The following CHD3 variants were observed in gnomAD, a reference collection of about 807,000 sequenced individuals.
The protein encoded by CHD3 is chromodomain helicase DNA binding protein 3, also known as ATP-dependent chromatin remodeler CHD3.
CHD3 carries 52 observed loss-of-function variants against 248.9 expected under a neutral mutation model. The observed-to-expected ratio is 0.21, with a 90% CI of 0.17 to 0.26. The LOEUF is 0.26. Among genes scored for constraint, CHD3 ranks in the 10% least tolerant of loss-of-function variants. The probability of loss-of-function intolerance (pLI) is 1.00; values close to 1 mark genes in which losing one functional copy is unlikely to be tolerated. For synonymous variants in CHD3, 985 were observed against 985.2 expected, an observed-to-expected ratio of 1.00 and a Z score of 0.00; for missense variants, 1,482 against 2,605.8, an observed-to-expected ratio of 0.57 and a Z score of 9.39.
At position 7,907,504 on chromosome 17, in the gene CHD3, T is replaced by TAGGAGTGATGGGGG. The variant is rs1331033023; in HGVS notation, c.4924+18_4924+31dup. ...GAGAAGTCAGGTGGGTGCATGGCCTTAGGAGTGATGGGGGATTAGAATTTG... is the reference window on the plus strand; with the variant it reads ...GAGAAGTCAGGTGGGTGCATGGCCTTAGGAGTGATGGGGGAGGAGTGATGGGGGATTAGAATTTG... On this transcript the variant is annotated intron_variant, in intron 32 of 39. Transcript: ENST00000330494. The surrounding 1 kb of genome is among the most constrained non-coding windows in gnomAD (Gnocchi z 4.3). The TAGGAGTGATGGGGG allele has an allele frequency of 6.4e-7, 1 of 1,558,076 alleles. No homozygotes were observed. Among genetic ancestry groups the TAGGAGTGATGGGGG allele is most frequent in the South Asian group, 1.2e-5 (1 of 81,954 alleles).
upstream of CHD3, chr17:7,888,742 G>A (rs1427626438): frequency 5.8e-6 from 7 of 1,213,422 alleles, no homozygotes; most frequent in South Asian, 5.7e-5. Flanking sequence ...GCGCGTGCGC[G>A]CGCGTGCTTT....
At chr17:7,902,331 A>G (rs965064603) in intron 20 of CHD3, among the ~76,000 whole-genome samples, 3 of 152,202 alleles carry the variant, frequency 2.0e-5, no homozygotes, top group African/African-American at 7.2e-5. Flanking sequence ...CTGAGGCGGT[A>G]GGATCACTTG....
Position 7,904,329 on chromosome 17 carries a change from G to T in CHD3, c.3895-113G>T, listed in dbSNP as rs1001395482. 2.2e-5 allele frequency: 21 copies of T among 955,296 alleles called. No homozygotes were observed. In the Admixed American group the frequency reaches 4.9e-4, roughly 22 times the overall value. 59.2% of individuals were successfully genotyped at this position (955,296 alleles called of 1,614,324 possible). On this transcript the variant is annotated intron_variant, in intron 24 of 39. Transcript: ENST00000330494. The surrounding 1 kb of genome is among the most constrained non-coding windows in gnomAD (Gnocchi z 4.4). ...AAAATGTATGCAGAGCCACGAAGCT[G>T]CAGGAGTGGGGAGACCGGATTGGGC...
Position 7,901,395 on chromosome 17 carries a change from G to A in CHD3, c.3252+20G>A, listed in dbSNP as rs780105859. ...TCGCAGGTGACCTGTGCCCTTAGCTGTCTTTACATCTGCTTCCTCTTCCCT... is the reference window on the plus strand; with the variant it reads ...TCGCAGGTGACCTGTGCCCTTAGCTATCTTTACATCTGCTTCCTCTTCCCT... On this transcript the variant is annotated intron_variant, in intron 20 of 39. Coordinates refer to ENST00000330494, the MANE Select transcript of CHD3 (RefSeq NM_001005273.3). 6.4e-7 allele frequency: 1 copy of A among 1,566,778 alleles called. No individual in the cohort carries two copies. Among genetic ancestry groups the A allele is most frequent in the Admixed American group, 1.8e-5 (1 of 55,460 alleles).
At position 7,906,682 on chromosome 17, in the gene CHD3, T is replaced by C; in HGVS notation, c.4488T>C (p.Ser1496=). 1 of 1,605,220 alleles carries C rather than the reference T, an allele frequency of 6.2e-7. No homozygotes were observed. The highest frequency in any genetic ancestry group is 1.1e-5 in the South Asian group (1 of 90,170). Residue 1496 remains serine (S), a synonymous_variant, in exon 29 of 40, where the codon TCT becomes TCC. Transcript: ENST00000330494. This position sits in a 1 kb window ranked among gnomAD's most constrained non-coding sequence, Gnocchi z 5.0. ...QQVLTRIGVM[S]LVKKKVQEFE... is the part of the protein sequence containing the mutation. ...TGTTGACCCGCATTGGAGTCATGTC[T>C]CTCGTCAAAAAGAAGGTATCAGTCT...
At chr17:7,898,735 A>G (rs1969978649) in intron 13 of CHD3, 140 bp downstream of exon 13, 1 of 752,604 alleles carries the variant, frequency 1.3e-6, no homozygotes, top group Non-Finnish European at 2.2e-6. Flanking sequence ...TCTTGCCCCA[A>G]GAGTGGCTAA....
At position 7,894,946 on chromosome 17, in the gene CHD3, G is replaced by C; in HGVS notation, c.1299G>C (p.Lys433Asn). Reference sequence around the variant, plus strand: ...AGGAGGGGGTCCAGTGGGAGGCCAAGGAGGAAGAAGAAGAATACGAAGAGG... The same window carrying C: ...AGGAGGGGGTCCAGTGGGAGGCCAACGAGGAAGAAGAAGAATACGAAGAGG... Reference protein sequence around the residue: ...CEKEGVQWEAKEEEEEYEEEG... With the variant: ...CEKEGVQWEANEEEEEYEEEG... The change falls in exon 9 of 40, where the codon AAG becomes AAC. Residue 433 changes from lysine to asparagine, a missense_variant. Around this residue, in one of 20 missense-constraint regions of CHD3, gnomAD observed 138 missense variants for 241.1 expected, o/e 0.57. Transcript: ENST00000330494. The C allele has an allele frequency of 6.2e-7, 1 of 1,613,206 alleles. No individual in the cohort carries two copies. The highest frequency in any genetic ancestry group is 8.5e-7 in the Non-Finnish European group (1 of 1,179,634).
rs1193049392 is a variant in CHD3, at chr17:7,909,547, G to A, written c.5590+209G>A. ...AGCCAACCCTCATCCATGTCTGATA[G>A]CATTCACATCCGTGCCCAATAGAGG... On this transcript the variant is annotated intron_variant, in intron 37 of 39. Transcript: ENST00000330494. This position sits in a 1 kb window ranked among gnomAD's most constrained non-coding sequence, Gnocchi z 8.1. The A allele has an allele frequency of 1.5e-6, 1 of 687,168 alleles. No homozygotes were observed. 42.6% of individuals were successfully genotyped at this position (687,168 alleles called of 1,614,324 possible).
At position 7,907,626 on chromosome 17, in the gene CHD3, G is replaced by T. The variant is rs375492899; in HGVS notation, c.4950G>T (p.Arg1650Ser). ...CCACAGAGTCGACGCCAGGAGAAAGGGGGGAGGAGAAGCCGTTGGATGGAC... is the reference window on the plus strand; with the variant it reads ...CCACAGAGTCGACGCCAGGAGAAAGTGGGGAGGAGAAGCCGTTGGATGGAC... Reference protein sequence around the residue: ...KSATESTPGERGEEKPLDGQE... With the variant: ...KSATESTPGESGEEKPLDGQE... The change falls in exon 33 of 40, where the codon AGG becomes AGT. Residue 1650 changes from arginine to serine, a missense_variant. Arg to Ser is a moderately radical substitution (Grantham distance 110). Transcript: ENST00000330494. The surrounding 1 kb of genome is among the most constrained non-coding windows in gnomAD (Gnocchi z 4.3). 4.4e-5 allele frequency: 67 copies of T among 1,523,978 alleles called. No homozygotes were observed. The East Asian group carries it at 5.3e-4, about 12-fold the overall frequency. 94.4% of individuals were successfully genotyped at this position (1,523,978 alleles called of 1,614,324 possible).
Position 7,907,101 on chromosome 17 carries a change from T to C in CHD3, c.4667-25T>C, listed in dbSNP as rs752499617. 1 of 1,614,106 alleles carries C rather than the reference T, an allele frequency of 6.2e-7. No individual in the cohort carries two copies. Among genetic ancestry groups the C allele is most frequent in the East Asian group, 2.2e-5 (1 of 44,876 alleles). On this transcript the variant is annotated intron_variant, in intron 30 of 39. Coordinates refer to ENST00000330494, the MANE Select transcript of CHD3 (RefSeq NM_001005273.3). The surrounding 1 kb of genome is among the most constrained non-coding windows in gnomAD (Gnocchi z 4.3). ...GAGTCAGGGCGGGAGAATCTCTGTC[T>C]TTATCACTGTGCCTTCCCCTGCAGC...
intron 10 of CHD3, 133 bp from the exon 11 acceptor site, chr17:7,896,950 T>C: frequency 1.4e-6 from 1 of 726,218 alleles, no homozygotes; most frequent in East Asian, 2.7e-5. Flanking sequence ...TGAGCCACCG[T>C]GCCTGGGCCA....
At position 7,910,314 on chromosome 17, in the gene CHD3, C is replaced by T. The variant is rs749985512; in HGVS notation, c.5591-114C>T. On this transcript the variant is annotated intron_variant, in intron 37 of 39. Transcript: ENST00000330494. The surrounding 1 kb of genome is among the most constrained non-coding windows in gnomAD (Gnocchi z 4.7). ...GGTTCTTTGACATCTGTGTTCTCCT[C>T]TCTCGCTCTTTTTCTGCCTGTATCT... The T allele has an allele frequency of 2.5e-5, 32 of 1,302,096 alleles. No homozygotes were observed. The highest frequency in any genetic ancestry group is 3.6e-5 in the Non-Finnish European group (32 of 900,454). The allele number at this position is 1,302,096 out of a possible 1,614,324, so 80.7% of individuals were successfully genotyped here.
chr17:7,910,334 G>GT lies in CHD3; in HGVS notation c.5591-93dup, dbSNP rs777892088. The GT allele has an allele frequency of 1.4e-6, 2 of 1,468,028 alleles. No individual in the cohort carries two copies. Among genetic ancestry groups the GT allele is most frequent in the Admixed American group, 3.3e-5 (2 of 59,790 alleles). The allele number at this position is 1,468,028 out of a possible 1,614,324, so 90.9% of individuals were successfully genotyped here. A position where few individuals can be genotyped will look rare whatever the true frequency, so the allele number is the denominator to read the frequency against. On this transcript the variant is annotated intron_variant, in intron 37 of 39. Coordinates refer to ENST00000330494, the MANE Select transcript of CHD3 (RefSeq NM_001005273.3). The surrounding 1 kb of genome is among the most constrained non-coding windows in gnomAD (Gnocchi z 4.7). ...CTCCTCTCTCGCTCTTTTTCTGCCT[G>GT]TATCTGTCCATCTGATGCCTCTCTT...
In CHD3 at chr17:7,888,940, A is replaced by G. The variant is rs1968414952; in HGVS notation, c.-61A>G. 2 of 1,611,038 alleles carry G rather than the reference A, an allele frequency of 1.2e-6. No individual in the cohort carries two copies. Among genetic ancestry groups the G allele is most frequent in the Non-Finnish European group, 1.7e-6 (2 of 1,178,122 alleles). On this transcript the variant is annotated 5_prime_UTR_variant, in exon 1 of 40. Transcript: ENST00000330494. ...GGGAGATGGGAATAGAATTGAAGGT[A>G]GGTTTTAGGCTACTTGGGAGGAGGA... is the stretch of plus-strand genomic sequence containing the variant.
At position 7,898,507 on chromosome 17, in the gene CHD3, T is replaced by C; in HGVS notation, c.2063T>C (p.Met688Thr). The change falls in exon 13 of 40, where the codon ATG (methionine) becomes ACG (threonine). Residue 688 changes from methionine to threonine, a missense_variant. Coordinates refer to ENST00000330494, the MANE Select transcript of CHD3 (RefSeq NM_001005273.3). ...CACTCTTTTTCCAGAGAACTAATTA[T>C]GGGGGAAGACCCTGCCCAGCCCCGC... ...QSYWRHRELIMGEDPAQPRKY... is the reference protein window; with the variant it reads ...QSYWRHRELITGEDPAQPRKY... The C allele has an allele frequency of 1.2e-6, 2 of 1,613,662 alleles. No homozygotes were observed. Among genetic ancestry groups the C allele is most frequent in the Non-Finnish European group, 1.7e-6 (2 of 1,179,714 alleles).
rs773617370 is a variant in CHD3 at position 7,906,248 on chromosome 17, T to C, written c.4358+259T>C. ...GCAAGGAGCCTCTCCTGGGCTGTCC[T>C]AGCCTCACATTTACTTGACCACAAT... On this transcript the variant is annotated intron_variant, in intron 28 of 39. Coordinates refer to ENST00000330494, the MANE Select transcript of CHD3 (RefSeq NM_001005273.3). The surrounding 1 kb of genome is among the most constrained non-coding windows in gnomAD (Gnocchi z 5.0). 6 of 726,778 alleles carry C rather than the reference T, an allele frequency of 8.3e-6. No individual in the cohort carries two copies. In the African/African-American group the frequency reaches 8.7e-5, roughly 11 times the overall value. 45.0% of individuals were successfully genotyped at this position (726,778 alleles called of 1,614,324 possible). A position where few individuals can be genotyped will look rare whatever the true frequency, so the allele number is the denominator to read the frequency against.
In CHD3 at chr17:7,899,626, CCCT is replaced by C; in HGVS notation, c.2544+88_2544+90del. 3 of 1,379,376 alleles carry C rather than the reference CCCT, an allele frequency of 2.2e-6. No individual in the cohort carries two copies. Among genetic ancestry groups the C allele is most frequent in the Non-Finnish European group, 3.0e-6 (3 of 987,644 alleles). The allele number at this position is 1,379,376 out of a possible 1,614,324, so 85.4% of individuals were successfully genotyped here. On this transcript the variant is annotated intron_variant, in intron 15 of 39. Coordinates refer to ENST00000330494, the MANE Select transcript of CHD3 (RefSeq NM_001005273.3). The surrounding 1 kb of genome is among the most constrained non-coding windows in gnomAD (Gnocchi z 6.8). ...AGCCAGGAATTCAGTTTCTCTATTC[CCCT>C]CCTCACCTTTCTCCTCTTCCTCCAC... is the stretch of plus-strand genomic sequence containing the variant.
rs1344679635 is a variant in CHD3 at position 7,907,419 on chromosome 17, G to A, written c.4855G>A (p.Asp1619Asn). Residue 1619 changes from aspartate (D) to asparagine (N), a missense_variant, in exon 32 of 40, where the codon GAT (aspartate) becomes AAT (asparagine). By Grantham distance (23) the Asp-to-Asn change is conservative. Around this residue, in one of 20 missense-constraint regions of CHD3, gnomAD observed 254 missense variants for 266.7 expected, o/e 0.95. Coordinates refer to ENST00000330494, the MANE Select transcript of CHD3 (RefSeq NM_001005273.3). The surrounding 1 kb of genome is among the most constrained non-coding windows in gnomAD (Gnocchi z 4.3). ...GGAGCCAAGGAAGATTCCTCTAGAGGATGAGGTGCCAGGGGTGCCTGGAGA... is the reference window on the plus strand; with the variant it reads ...GGAGCCAAGGAAGATTCCTCTAGAGAATGAGGTGCCAGGGGTGCCTGGAGA... The part of the protein sequence containing the change: ...RLEPRKIPLE[D>N]EVPGVPGEME... The A allele has an allele frequency of 6.2e-7, 1 of 1,611,700 alleles. No homozygotes were observed.
At chr17:7,890,855 G>A (rs1301891839) in intron 3 of CHD3, 85 bp from the exon 4 acceptor site, 1 of 1,592,974 alleles carries the variant, frequency 6.3e-7, no homozygotes, top group Non-Finnish European at 8.6e-7. Flanking sequence ...GCCCAGGGAA[G>A]CTAGTGGGTA....
Sources: gnomAD v4.1 joint callset for allele counts (sites outside exome capture counted in the v4.1 genomes callset) on GRCh38, gnomAD v4.1.1 for gene constraint, gnomAD v4.1.1 regional missense constraint, Gnocchi (gnomAD v3.1) non-coding constraint, MANE v1.5 for transcripts, NCBI Gene and HGNC (gene_info 2026-07-23, HGNC 2026-07-21) for gene names.